The following ADISSP variants were observed in gnomAD, a reference collection of about 807,000 sequenced individuals.
ADISSP encodes the protein adipose-secreted signaling protein.
At chr20:3,758,090 C>T in the ADISSP span, among the ~76,000 whole-genome samples, 2 of 152,186 alleles carry the variant, frequency 1.3e-5, no homozygotes, top group Non-Finnish European at 2.9e-5. This position sits in a 1 kb window ranked among gnomAD's most constrained non-coding sequence, Gnocchi z 5.5. Context: ...AAAAAAGTTG[C>T]ACCTTGTTAT....
chr20:3,757,255 CAGG>C, the ADISSP span, among the ~76,000 whole-genome samples: 1 of 151,920 alleles, frequency 6.6e-6, no homozygotes, highest in Non-Finnish European at 1.5e-5. Flanking sequence ...GAGGCTGAGG[CAGG>C]AGAATTGCTT....
the ADISSP span, chr20:3,753,725 G>A: frequency 7.3e-6 from 3 of 408,282 alleles, no homozygotes; most frequent in Admixed American, 1.2e-4. Context: ...TCCTCTCCCA[G>A]ACCCTGGTGG....
the ADISSP span, among the ~76,000 whole-genome samples, chr20:3,761,550 G>C: frequency 6.6e-6 from 1 of 152,148 alleles, no homozygotes; most frequent in African/African-American, 2.4e-5. Flanking sequence ...TGGCCAGGCT[G>C]GTCTCGAACT....
At chr20:3,757,482 A>G in the ADISSP span, among the ~76,000 whole-genome samples, 89 of 152,342 alleles carry the variant, frequency 5.8e-4, no homozygotes, top group African/African-American at 2.1e-3. Context: ...CTATTAAGAC[A>G]TGAGTGGATT....
the ADISSP span, among the ~76,000 whole-genome samples, chr20:3,757,353 A>C: frequency 6.7e-6 from 1 of 150,020 alleles, no homozygotes; most frequent in Non-Finnish European, 1.5e-5. Context: ...TCTCAAAAAG[A>C]AAAAAAAAAG....
At chr20:3,758,478 G>A in the ADISSP span, 1 of 1,562,102 alleles carries the variant, frequency 6.4e-7, no homozygotes, top group Non-Finnish European at 8.7e-7. This position sits in a 1 kb window ranked among gnomAD's most constrained non-coding sequence, Gnocchi z 5.5. Context: ...TAGGCACCCA[G>A]AAGCCAGGCA....
the ADISSP span, among the ~76,000 whole-genome samples, chr20:3,756,603 T>C: frequency 6.6e-6 from 1 of 152,192 alleles, no homozygotes; most frequent in African/African-American, 2.4e-5. Context: ...TTGATATTGC[T>C]ACATGACAAA....
At chr20:3,758,526 G>A in the ADISSP span, 13 of 1,612,276 alleles carry the variant, frequency 8.1e-6, no homozygotes, top group East Asian at 2.9e-4. This position sits in a 1 kb window ranked among gnomAD's most constrained non-coding sequence, Gnocchi z 5.5. Context: ...TGGGGTAGGT[G>A]TGCATGTACC....
At chr20:3,767,938 C>A in the ADISSP span, 1 of 152,276 alleles carries the variant, frequency 6.6e-6, no homozygotes, top group Admixed American at 6.5e-5. Context: ...CCGCGCCTGC[C>A]GGGCGAGCTC....
the ADISSP span, among the ~76,000 whole-genome samples, chr20:3,757,026 AAAAT>A: frequency 1.1e-3 from 159 of 151,034 alleles, 1 homozygote; most frequent in African/African-American, 3.3e-3. Context: ...TGTTTTCAGA[AAAAT>A]AAATAAATAA....
the ADISSP span, chr20:3,760,019 C>T: frequency 2.2e-5 from 35 of 1,610,030 alleles, no homozygotes; most frequent in Non-Finnish European, 3.0e-5. Context: ...GCAGCAATGG[C>T]CCTCCTACCA....
the ADISSP span, among the ~76,000 whole-genome samples, chr20:3,763,613 A>G: frequency 6.6e-6 from 1 of 152,056 alleles, no homozygotes. Context: ...TGGCCTGGAT[A>G]TGAGGTAACA....
At chr20:3,758,850 G>A in the ADISSP span, among the ~76,000 whole-genome samples, 11 of 152,138 alleles carry the variant, frequency 7.2e-5, no homozygotes, top group Admixed American at 2.0e-4. This position sits in a 1 kb window ranked among gnomAD's most constrained non-coding sequence, Gnocchi z 5.5. Flanking sequence ...CCTCCCCGCC[G>A]GCCCCGACCT....
chr20:3,766,783 C>G, the ADISSP span, among the ~76,000 whole-genome samples: 1 of 152,150 alleles, frequency 6.6e-6, no homozygotes, highest in Non-Finnish European at 1.5e-5. Context: ...CACAAAAGAC[C>G]AGAATGGGAG....
the ADISSP span, among the ~76,000 whole-genome samples, chr20:3,759,140 C>T: frequency 2.0e-5 from 3 of 152,210 alleles, no homozygotes; most frequent in African/African-American, 7.2e-5. This position sits in a 1 kb window ranked among gnomAD's most constrained non-coding sequence, Gnocchi z 4.6. Flanking sequence ...TGACCCAAAC[C>T]TGAAAGGGCA....
the ADISSP span, chr20:3,767,151 G>A: frequency 6.6e-6 from 1 of 152,292 alleles, no homozygotes; most frequent in Non-Finnish European, 1.5e-5. Context: ...ATCCTGAGCT[G>A]CGAGGCGGCG....
At chr20:3,758,661 G>A in the ADISSP span, 46 of 1,613,888 alleles carry the variant, frequency 2.9e-5, no homozygotes, top group Middle Eastern at 1.6e-4. This position sits in a 1 kb window ranked among gnomAD's most constrained non-coding sequence, Gnocchi z 5.5. Flanking sequence ...CGGATACTCC[G>A]GACTCTGGGC....
chr20:3,765,603 T>G, the ADISSP span, among the ~76,000 whole-genome samples: 2 of 152,132 alleles, frequency 1.3e-5, no homozygotes, highest in East Asian at 1.9e-4. Context: ...AGCAGCACCG[T>G]CAGAGAGGCA....
the ADISSP span, among the ~76,000 whole-genome samples, chr20:3,766,292 CAG>C: frequency 2.9e-4 from 44 of 152,262 alleles, no homozygotes; most frequent in African/African-American, 1.1e-3. Flanking sequence ...CACACATACT[CAG>C]AACAAAGCCT....
Sources: gnomAD v4.1 joint callset for allele counts (sites outside exome capture counted in the v4.1 genomes callset) on GRCh38, gnomAD v4.1.1 for gene constraint, Gnocchi (gnomAD v3.1) non-coding constraint, MANE v1.5 for transcripts, NCBI Gene and HGNC (gene_info 2026-07-23, HGNC 2026-07-21) for gene names.